Variants in ULK1 observed in about 807,000 individuals in gnomAD.
ULK1 encodes the protein serine/threonine-protein kinase ULK1.
In ULK1, 48 loss-of-function variants were observed where a neutral mutation model predicts 117.5. The observed-to-expected ratio is 0.41, with a 90% CI of 0.32 to 0.52. The LOEUF is 0.52. Among genes scored for constraint, ULK1 ranks in the 20% least tolerant of loss-of-function variants. ULK1 has a pLI of 0.29. For synonymous variants in ULK1, 790 were observed against 637.8 expected, an observed-to-expected ratio of 1.24 and a Z score of -3.60; for missense variants, 1,387 against 1,473.4, an observed-to-expected ratio of 0.94 and a Z score of 0.96.
At chr12:131,913,441 A>T (rs1023183400) in intron 14 of ULK1, among the ~76,000 whole-genome samples, 183 bp downstream of exon 14, 3 of 151,482 alleles carry the variant, frequency 2.0e-5, no homozygotes, top group Non-Finnish European at 2.9e-5. Flanking sequence ...CACGCCTGTA[A>T]TCCCAGCACT....
Position 131,916,972 on chromosome 12 carries a change from C to T in ULK1, c.2092C>T (p.Leu698Phe), listed in dbSNP as rs752797661. Residue 698 changes from leucine (L) to phenylalanine (F), a missense_variant, in exon 21 of 28, where the codon CTC (leucine) becomes TTC (phenylalanine). Around this residue, in one of 4 missense-constraint regions of ULK1, gnomAD observed 900 missense variants for 858.9 expected, o/e 1.05. Coordinates refer to ENST00000321867, the MANE Select transcript of ULK1 (RefSeq NM_003565.4). ...CCACAGGTCTTTCAGCACCAGCCGCCTCACTGACCTGCTCCTTAAGGCGGC... is the reference window on the plus strand; with the variant it reads ...CCACAGGTCTTTCAGCACCAGCCGCTTCACTGACCTGCTCCTTAAGGCGGC... ...PFGRSFSTSR[L>F]TDLLLKAAFG... The T allele has an allele frequency of 4.3e-5, 70 of 1,610,812 alleles. No individual in the cohort carries two copies. The highest frequency in any genetic ancestry group is 6.8e-6 in the Non-Finnish European group (8 of 1,179,264).
intron 18 of ULK1, 125 bp from the exon 19 acceptor site, chr12:131,915,766 C>A: frequency 7.4e-7 from 1 of 1,358,312 alleles, no homozygotes; most frequent in South Asian, 1.3e-5. Flanking sequence ...GAGACCCCGT[C>A]TCAACAAAAG....
intron 3 of ULK1, among the ~76,000 whole-genome samples, chr12:131,906,133 G>A (rs1398970428): frequency 1.3e-5 from 2 of 151,812 alleles, no homozygotes; most frequent in Non-Finnish European, 2.9e-5. Context: ...TCACTCTCTC[G>A]CCCAGGCTGG....
intron 3 of ULK1, chr12:131,897,362 G>A (rs1007714970): frequency 6.6e-6 from 1 of 152,190 alleles, no homozygotes; most frequent in Non-Finnish European, 1.5e-5. Context: ...GAGTGCGGTC[G>A]AGGCTAGAGT....
At chr12:131,900,120 A>ATC (rs1181145382) in intron 3 of ULK1, among the ~76,000 whole-genome samples, 11 of 151,362 alleles carry the variant, frequency 7.3e-5, no homozygotes, top group Admixed American at 2.0e-4. Flanking sequence ...CTCTCAAAAA[A>ATC]AAAAAAAAAA....
At chr12:131,916,308 A>G (rs1379649940) in intron 19 of ULK1, 90 bp from the exon 20 acceptor site, 1 of 1,514,726 alleles carries the variant, frequency 6.6e-7, no homozygotes, top group Non-Finnish European at 8.9e-7. Context: ...CATGCCTGCC[A>G]GTTCCTGCGG....
intron 3 of ULK1, among the ~76,000 whole-genome samples, chr12:131,900,133 AAAAAAC>A (rs1168244625): frequency 6.6e-6 from 1 of 151,924 alleles, no homozygotes; most frequent in Non-Finnish European, 1.5e-5. Flanking sequence ...AAAAAAAAAA[AAAAAAC>A]TGTTGTGGTT....
chr12:131,904,763 G>GGAGAA (rs1219950019), intron 3 of ULK1, among the ~76,000 whole-genome samples: 4 of 152,150 alleles, frequency 2.6e-5, no homozygotes, highest in Non-Finnish European at 5.9e-5. Flanking sequence ...AGAGAGGAGA[G>GGAGAA]GAGAAATGTG....
Position 131,908,693 on chromosome 12 carries a change from C to G in ULK1, c.366C>G (p.Ile122Met), listed in dbSNP as rs1055006882. ...EDTIRLFLQQ[I>M]AGAMRLLHSK... Reference sequence around the variant, plus strand: ...CCATCAGGCTCTTCCTGCAGCAGATCGCGGGCGCCATGCGGCTTCTGCACA... The same window carrying G: ...CCATCAGGCTCTTCCTGCAGCAGATGGCGGGCGCCATGCGGCTTCTGCACA... Residue 122 changes from isoleucine (I) to methionine (M), a missense_variant, in exon 6 of 28, where the codon ATC becomes ATG. Ile to Met is a conservative substitution (Grantham distance 10). Coordinates refer to ENST00000321867, the MANE Select transcript of ULK1 (RefSeq NM_003565.4). 1 of 1,594,370 alleles carries G rather than the reference C, an allele frequency of 6.3e-7. No homozygotes were observed. Among genetic ancestry groups the G allele is most frequent in the African/African-American group, 1.3e-5 (1 of 74,268 alleles).
Position 131,894,965 on chromosome 12 carries a change from G to T in ULK1, c.-37G>T. ...GCCTGAGTCCCCCGCGCCTTGGCCC[G>T]CCACCCCCCGCCCCGCGCCCCCGGC... On this transcript the variant is annotated 5_prime_UTR_variant, in exon 1 of 28. Coordinates refer to ENST00000321867, the MANE Select transcript of ULK1 (RefSeq NM_003565.4). 1 of 438,804 alleles carries T rather than the reference G, an allele frequency of 2.3e-6. No individual in the cohort carries two copies. Among genetic ancestry groups the T allele is most frequent in the Non-Finnish European group, 2.9e-6 (1 of 349,376 alleles). 27.2% of individuals were successfully genotyped at this position (438,804 alleles called of 1,614,324 possible).
chr12:131,911,162 C>T (rs750799118), intron 12 of ULK1, among the ~76,000 whole-genome samples: 2 of 152,142 alleles, frequency 1.3e-5, no homozygotes, highest in African/African-American at 2.4e-5. Flanking sequence ...GGGTGATGGC[C>T]CCACATGATG....
chr12:131,916,056 C>A lies in ULK1; in HGVS notation c.1775C>A (p.Pro592Gln). 6.2e-7 allele frequency: 1 copy of A among 1,612,504 alleles called. No individual in the cohort carries two copies. Among genetic ancestry groups the A allele is most frequent in the South Asian group, 1.1e-5 (1 of 91,072 alleles). ...FSPPQASPPQ[P>Q]SHGLQSCRNL... Reference sequence around the variant, plus strand: ...CCACCACAGGCCAGCCCTCCCCAGCCGTCCCACGGCCTGCAGTCCTGCCGG... The same window carrying A: ...CCACCACAGGCCAGCCCTCCCCAGCAGTCCCACGGCCTGCAGTCCTGCCGG... The change falls in exon 19 of 28, where the codon CCG becomes CAG. Residue 592 changes from proline to glutamine, a missense_variant. Pro to Gln is a moderately conservative substitution (Grantham distance 76). This residue lies in a region of ULK1 where 900 missense variants were observed against 858.9 expected (regional missense o/e 1.05). Coordinates refer to ENST00000321867, the MANE Select transcript of ULK1 (RefSeq NM_003565.4).
rs527473834 is a variant in ULK1 at position 131,904,034 on chromosome 12, G to A, written c.247-2858G>A. ...ATGGCAGGGCCAGGTGCCCTGGGTA[G>A]GGGTGTTGGGGACCCTGGCTAGAGT... On this transcript the variant is annotated intron_variant, in intron 3 of 27. Transcript: ENST00000321867. Among the ~76,000 whole-genome samples the A allele has an allele frequency of 2.0e-5, 3 of 152,212 alleles. No homozygotes were observed. In the East Asian group the frequency reaches 5.8e-4, roughly 29 times the overall value.
At chr12:131,917,589 T>C in intron 22 of ULK1, 35 bp downstream of exon 22, 1 of 1,357,724 alleles carries the variant, frequency 7.4e-7, no homozygotes, top group Non-Finnish European at 9.5e-7. Context: ...CTGTCCCTTT[T>C]GGGGTGGTGG....
chr12:131,908,798 C>A lies in ULK1; in HGVS notation c.471C>A (p.Asn157Lys), dbSNP rs1356449099. Reference sequence around the variant, plus strand: ...CCGCCGGCCGCCGCGCCAACCCCAACAGCATCCGCGTCAAGATCGGTCAGC... The same window carrying A: ...CCGCCGGCCGCCGCGCCAACCCCAAAAGCATCCGCGTCAAGATCGGTCAGC... ...SNPAGRRANP[N>K]SIRVKIADFG... Residue 157 changes from asparagine to lysine, a missense_variant, in exon 6 of 28, where the codon AAC (asparagine) becomes AAA (lysine). Around this residue, in one of 4 missense-constraint regions of ULK1, gnomAD observed 224 missense variants for 325.2 expected, o/e 0.69. Coordinates refer to ENST00000321867, the MANE Select transcript of ULK1 (RefSeq NM_003565.4). 6.2e-7 allele frequency: 1 copy of A among 1,607,446 alleles called. No individual in the cohort carries two copies. Among genetic ancestry groups the A allele is most frequent in the South Asian group, 1.1e-5 (1 of 90,770 alleles).
intron 14 of ULK1, 109 bp downstream of exon 14, chr12:131,913,367 G>T: frequency 2.5e-6 from 3 of 1,197,396 alleles, no homozygotes; most frequent in Non-Finnish European, 3.3e-6. Flanking sequence ...ACTCCAGCCT[G>T]GGTGACAGAG....
chr12:131,919,677 C>A, intron 25 of ULK1, 87 bp downstream of exon 25: 2 of 1,450,886 alleles, frequency 1.4e-6, no homozygotes, highest in Non-Finnish European at 1.9e-6. Flanking sequence ...AACAGGGAGG[C>A]TGCTTGAGTA....
In ULK1 at chr12:131,910,242, T is replaced by C; in HGVS notation, c.809-12T>C. ...GGTCCTCCTGAGGCCTCACTCCTCC[T>C]TCCTCCTGCAGATGAGTTTTTTCAT... is the stretch of plus-strand genomic sequence containing the variant. On this transcript the variant is annotated splice_polypyrimidine_tract_variant and intron_variant, in intron 10 of 27. Coordinates refer to ENST00000321867, the MANE Select transcript of ULK1 (RefSeq NM_003565.4). The C allele has an allele frequency of 6.2e-7, 1 of 1,611,634 alleles. No homozygotes were observed. The highest frequency in any genetic ancestry group is 8.5e-7 in the Non-Finnish European group (1 of 1,178,018).
chr12:131,918,848 G>C (rs1890001885), intron 23 of ULK1, among the ~76,000 whole-genome samples, 167 bp downstream of exon 23: 2 of 122,940 alleles, frequency 1.6e-5, no homozygotes, highest in Non-Finnish European at 3.6e-5. Flanking sequence ...GGGGTGTCGG[G>C]TGTGTGGGGT....
Sources: allele counts gnomAD v4.1 joint callset (sites outside exome capture counted in the v4.1 genomes callset), GRCh38; gene constraint gnomAD v4.1.1; regional missense constraint gnomAD v4.1.1; transcripts MANE v1.5; gene names NCBI Gene and HGNC (gene_info 2026-07-23, HGNC 2026-07-21).